The following RRM2 variants were observed in gnomAD, a reference collection of about 807,000 sequenced individuals.
The protein encoded by RRM2 is ribonucleotide reductase regulatory subunit M2.
Under a neutral mutation model 45.9 loss-of-function variants are expected in RRM2, and 6 were observed. The observed-to-expected ratio is 0.13, with a 90% CI of 0.07 to 0.26. The LOEUF (loss-of-function observed/expected upper bound fraction) is 0.26, where lower values mean the gene tolerates loss of function less well. Among genes scored for constraint, RRM2 ranks in the 10% least tolerant of loss-of-function variants. The probability of loss-of-function intolerance (pLI) is 1.00; values close to 1 mark genes in which losing one functional copy is unlikely to be tolerated. For synonymous variants in RRM2, 177 were observed against 173.0 expected, an observed-to-expected ratio of 1.02 and a Z score of -0.18; for missense variants, 343 against 489.5, an observed-to-expected ratio of 0.70 and a Z score of 2.82.
chr2:10,210,600 A>C, exon 4 of RRM2: 1 of 1,363,844 alleles, frequency 7.3e-7, no homozygotes, highest in South Asian at 1.1e-5. Context: ...CCCCATAGAC[A>C]GCAGATCTGC....
rs574886461 is a variant in RRM2 at position 10,205,600 on chromosome 2, C to G, written n.483-4711C>G. ...GATACCTTCCGTTTCAAGGAATATG[C>G]AGTTTGGATGTCTGAAAAAGATTTA... On this transcript the variant is annotated intron_variant and non_coding_transcript_variant, in intron 3 of 3. Transcript: ENST00000381786. This position sits in a 1 kb window ranked among gnomAD's most constrained non-coding sequence, Gnocchi z 4.8. Among the ~76,000 whole-genome samples, 143 of 152,274 alleles carry G rather than the reference C, an allele frequency of 9.4e-4. No individual in the cohort carries two copies. Among genetic ancestry groups the G allele is most frequent in the Non-Finnish European group, 1.9e-3 (126 of 68,010 alleles).
At chr2:10,146,118 C>G (rs757445206) in intron 3 of RRM2, 12 of 152,290 alleles carry the variant, frequency 7.9e-5, no homozygotes, top group Non-Finnish European at 1.6e-4. Flanking sequence ...AATCACCCAT[C>G]CCTAGCCCCT....
exon 4 of RRM2, chr2:10,210,416 C>T (rs765304090): frequency 1.0e-5 from 14 of 1,367,738 alleles, no homozygotes. Context: ...ACCCAGAGTC[C>T]CTTCCAGACA....
exon 4 of RRM2, chr2:10,210,595 T>C (rs760643938): frequency 2.6e-5 from 36 of 1,364,798 alleles, no homozygotes; most frequent in Non-Finnish European, 3.5e-5. Context: ...CAGGGCCCCA[T>C]AGACAGCAGA....
intron 3 of RRM2, among the ~76,000 whole-genome samples, chr2:10,209,881 G>A (rs1056370328): frequency 2.0e-5 from 3 of 152,186 alleles, no homozygotes; most frequent in African/African-American, 7.2e-5. Context: ...TGGTGTTGTT[G>A]GCTGCCATCA....
In RRM2 at chr2:10,181,745, T is replaced by G. The variant is rs539629203; in HGVS notation, n.483-28566T>G. Among the ~76,000 whole-genome samples, 3 of 110,634 alleles carry G rather than the reference T, an allele frequency of 2.7e-5. No homozygotes were observed. In the South Asian group the frequency reaches 8.7e-4, roughly 32 times the overall value. 72.6% of individuals were successfully genotyped at this position (110,634 alleles called of 152,430 possible). A position where few individuals can be genotyped will look rare whatever the true frequency, so the allele number is the denominator to read the frequency against. Reference sequence around the variant, plus strand: ...ATCTGACAGACTGCACAGCTCTCTCTCTCTCTCTCTTTTTTTTTTTTTTTT... The same window carrying G: ...ATCTGACAGACTGCACAGCTCTCTCGCTCTCTCTCTTTTTTTTTTTTTTTT... On this transcript the variant is annotated intron_variant and non_coding_transcript_variant, in intron 3 of 3. Coordinates refer to the RRM2 transcript ENST00000381786.
intron 3 of RRM2, among the ~76,000 whole-genome samples, chr2:10,160,582 G>A (rs1243591655): frequency 1.3e-5 from 2 of 152,196 alleles, no homozygotes; most frequent in Non-Finnish European, 2.9e-5. Flanking sequence ...CTCATGCCCA[G>A]CTCCTCTCCT....
chr2:10,166,962 G>A (rs79991261), intron 3 of RRM2, among the ~76,000 whole-genome samples: 4,368 of 152,312 alleles, frequency 0.029, 101 homozygotes, highest in East Asian at 0.12. Context: ...CACTTATGAT[G>A]GGGACAGGCC....
intron 3 of RRM2, among the ~76,000 whole-genome samples, chr2:10,149,705 G>A (rs992044456): frequency 1.3e-5 from 2 of 152,194 alleles, no homozygotes. Context: ...TACACCCAGT[G>A]CCATGTGCAG....
intron 5 of RRM2, chr2:10,126,581 A>G: frequency 3.0e-6 from 1 of 328,108 alleles, no homozygotes. Context: ...AAGGCAACAA[A>G]TGTCCCTGCT....
chr2:10,124,040 A>G (rs1662729114), intron 4 of RRM2, 188 bp downstream of exon 4: 1 of 597,362 alleles, frequency 1.7e-6, no homozygotes, highest in Middle Eastern at 2.7e-4. Context: ...TCCCGACTCT[A>G]GAGAAGCTGA....
intron 3 of RRM2, among the ~76,000 whole-genome samples, chr2:10,161,953 G>A (rs1320287941): frequency 1.3e-5 from 2 of 152,252 alleles, no homozygotes; most frequent in Admixed American, 6.5e-5. Flanking sequence ...AGAAAACCGG[G>A]AGAGGGGAGA....
In RRM2 at chr2:10,122,864, G is replaced by C. The variant is rs563228348; in HGVS notation, c.66G>C (p.Leu22=). ...TDPQQLQLSP[L]KGLSLVDKEN... is the part of the protein sequence containing the mutation. ...CGCAGCAGCTGCAGCTCTCGCCGCT[G>C]AAGGGGCTCAGCTTGGTCGACAAGG... Residue 22 remains leucine (L), a synonymous_variant, in exon 1 of 10, where the codon CTG becomes CTC. Coordinates refer to ENST00000304567, the MANE Select transcript of RRM2 (RefSeq NM_001034.4). 2 of 1,600,334 alleles carry C rather than the reference G, an allele frequency of 1.2e-6. No homozygotes were observed. Among genetic ancestry groups the C allele is most frequent in the South Asian group, 1.1e-5 (1 of 88,752 alleles).
intron 3 of RRM2, among the ~76,000 whole-genome samples, chr2:10,178,785 G>C (rs979768158): frequency 1.3e-5 from 2 of 152,172 alleles, no homozygotes; most frequent in African/African-American, 4.8e-5. Flanking sequence ...GTTTTAAGAG[G>C]TGGGACCTTT....
intron 3 of RRM2, among the ~76,000 whole-genome samples, chr2:10,194,942 G>A (rs905620250): frequency 5.3e-5 from 8 of 152,210 alleles, no homozygotes; most frequent in African/African-American, 1.9e-4. Context: ...ACCTCTCGGC[G>A]TCTCCGTTCT....
At chr2:10,134,036 G>A (rs906423419), downstream of RRM2, among the ~76,000 whole-genome samples, 2 of 151,838 alleles carry the variant, frequency 1.3e-5, no homozygotes, top group African/African-American at 4.8e-5. Flanking sequence ...AAATTTAGCC[G>A]GGTGTGGTGG....
chr2:10,167,201 T>TGTA (rs763759609), intron 3 of RRM2, among the ~76,000 whole-genome samples: 1 of 152,156 alleles, frequency 6.6e-6, no homozygotes, highest in Non-Finnish European at 1.5e-5. Context: ...CTGGGTCTGG[T>TGTA]GTAGCACCTG....
intron 3 of RRM2, among the ~76,000 whole-genome samples, chr2:10,181,352 C>T (rs1664042932): frequency 6.6e-6 from 1 of 152,158 alleles, no homozygotes; most frequent in South Asian, 2.1e-4. Context: ...TCATTCTCAC[C>T]AGAAATGTAT....
At chr2:10,174,382 G>T (rs1369490616) in intron 3 of RRM2, among the ~76,000 whole-genome samples, 2 of 152,166 alleles carry the variant, frequency 1.3e-5, no homozygotes, top group Admixed American at 6.5e-5. Flanking sequence ...GGCCATCCAT[G>T]CTGGCCCCTC....
Sources: allele counts gnomAD v4.1 joint callset (sites outside exome capture counted in the v4.1 genomes callset), GRCh38; gene constraint gnomAD v4.1.1; non-coding constraint Gnocchi (gnomAD v3.1); transcripts MANE v1.5; gene names NCBI Gene and HGNC (gene_info 2026-07-23, HGNC 2026-07-21).